NTNG1: variants seen among roughly 807,000 people sequenced by gnomAD.
NTNG1 encodes the protein netrin G1, also known as netrin-G1.
A neutral mutation model predicts 54.0 loss-of-function variants in NTNG1; 16 were observed. The observed-to-expected ratio is 0.30, with a 90% CI of 0.20 to 0.45. NTNG1 has a LOEUF of 0.45. NTNG1 is among the 20% of genes least tolerant of loss of function. NTNG1 has a pLI of 1.00. For missense variants in NTNG1, 530 were observed against 678.7 expected (o/e 0.78, Z 2.43); for synonymous variants, 255 against 263.1 (o/e 0.97, Z 0.30).
At position 107,361,391 on chromosome 1, in the gene NTNG1, A is replaced by ATATATATATATT. The variant is rs370815306; in HGVS notation, c.888-33762_888-33761insATATATATATTT. 8.0e-4 allele frequency among the ~76,000 whole-genome samples: 70 copies of ATATATATATATT among 87,970 alleles called. 1 individual carries two copies. The highest frequency in any genetic ancestry group is 9.8e-4 in the East Asian group (3 of 3,052). The allele number at this position is 87,970 out of a possible 152,430, so 57.7% of individuals were successfully genotyped here. A position where few individuals can be genotyped will look rare whatever the true frequency, so the allele number is the denominator to read the frequency against. ...TATATATACATATATATATATATAT[A>ATATATATATATT]TTTTTTTTTTTTTTTGAGACACAGT... On this transcript the variant is annotated intron_variant, in intron 3 of 7. Transcript: ENST00000370068.
At chr1:107,173,282 A>G (rs1656391808) in intron 2 of NTNG1, among the ~76,000 whole-genome samples, 1 of 151,966 alleles carries the variant, frequency 6.6e-6, no homozygotes, top group Admixed American at 6.6e-5. Flanking sequence ...TTTTTCCTTT[A>G]TGCTTTTTTA....
At position 107,482,454 on chromosome 1, in the gene NTNG1, T is replaced by TGC. The variant is rs2101624041; in HGVS notation, c.*1615_*1616dup. ...CTGCCTTTTATTAGGCCAATTACTGTGCAAGACAGCAAGGGGAGGCAGGTG... is the reference window on the plus strand; with the variant it reads ...CTGCCTTTTATTAGGCCAATTACTGTGCGCAAGACAGCAAGGGGAGGCAGGTG... On this transcript the variant is annotated 3_prime_UTR_variant, in exon 8 of 8. Coordinates refer to ENST00000370068, the MANE Select transcript of NTNG1 (RefSeq NM_001113226.3). The TGC allele has an allele frequency of 6.6e-6, 1 of 152,368 alleles. No homozygotes were observed. The highest frequency in any genetic ancestry group is 1.5e-5 in the Non-Finnish European group (1 of 68,050). 9.4% of individuals were successfully genotyped at this position (152,368 alleles called of 1,614,324 possible). A position where few individuals can be genotyped will look rare whatever the true frequency, so the allele number is the denominator to read the frequency against.
At chr1:107,294,909 A>G (rs1415473580) in intron 2 of NTNG1, among the ~76,000 whole-genome samples, 4 of 152,226 alleles carry the variant, frequency 2.6e-5, no homozygotes, top group Admixed American at 2.6e-4. Flanking sequence ...AGCTGACGCC[A>G]TGGGAGTCAG....
At chr1:107,365,472 T>A (rs10458536) in intron 3 of NTNG1, among the ~76,000 whole-genome samples, 1 of 151,878 alleles carries the variant, frequency 6.6e-6, no homozygotes, top group African/African-American at 2.4e-5. Context: ...TAAAGGATAA[T>A]AAAAAAAATT....
intron 1 of NTNG1, among the ~76,000 whole-genome samples, chr1:107,145,180 C>CAGAT (rs1487365346): frequency 1.3e-5 from 2 of 152,026 alleles, no homozygotes; most frequent in African/African-American, 4.8e-5. Flanking sequence ...GAAAGCACAG[C>CAGAT]AGATAGACAC....
intron 2 of NTNG1, among the ~76,000 whole-genome samples, chr1:107,225,373 A>C (rs1307084938): frequency 2.9e-5 from 4 of 138,918 alleles, no homozygotes; most frequent in Non-Finnish European, 6.0e-5. Context: ...GTGTGAATTC[A>C]AAAAAAAAAA....
At chr1:107,468,840 G>A (rs1334129728) in intron 7 of NTNG1, among the ~76,000 whole-genome samples, 1 of 117,752 alleles carries the variant, frequency 8.5e-6, no homozygotes, top group Non-Finnish European at 1.9e-5. Context: ...GCTCACGCCT[G>A]TAATCCCAGC....
chr1:107,449,751 C>A (rs1222187385), intron 7 of NTNG1, among the ~76,000 whole-genome samples: 1 of 150,116 alleles, frequency 6.7e-6, no homozygotes, highest in Admixed American at 6.6e-5. Context: ...AAAGTGGAAG[C>A]TTTTTCTATT....
intron 3 of NTNG1, among the ~76,000 whole-genome samples, chr1:107,345,414 T>C (rs1017719410): frequency 7.2e-5 from 11 of 152,328 alleles, no homozygotes; most frequent in Non-Finnish European, 1.6e-4. Flanking sequence ...TGGATTATGC[T>C]GGAAGGCAAT....
intron 2 of NTNG1, among the ~76,000 whole-genome samples, chr1:107,190,915 G>A (rs1238183893): frequency 6.6e-6 from 1 of 152,178 alleles, no homozygotes; most frequent in Non-Finnish European, 1.5e-5. Flanking sequence ...ATAGCAGCAT[G>A]ATTTATAATC....
chr1:107,145,774 C>G (rs1211097521), intron 1 of NTNG1, among the ~76,000 whole-genome samples: 2 of 152,088 alleles, frequency 1.3e-5, no homozygotes, highest in Non-Finnish European at 2.9e-5. Context: ...ATATCTTGCA[C>G]TCTTCTGCAT....
At chr1:107,231,299 G>A (rs908600650) in intron 2 of NTNG1, among the ~76,000 whole-genome samples, 5 of 152,234 alleles carry the variant, frequency 3.3e-5, no homozygotes, top group Middle Eastern at 3.4e-3. Context: ...GTACTGGATC[G>A]CTTCTCAGTA....
intron 2 of NTNG1, among the ~76,000 whole-genome samples, chr1:107,179,426 A>G (rs971710822): frequency 6.6e-5 from 10 of 151,930 alleles, no homozygotes; most frequent in Middle Eastern, 3.2e-3. Context: ...CACCTGTGTC[A>G]TTGTTTTGTC....
intron 2 of NTNG1, among the ~76,000 whole-genome samples, chr1:107,270,887 GAA>G (rs949789363): frequency 7.9e-5 from 12 of 151,934 alleles, no homozygotes; most frequent in Admixed American, 7.2e-4. Flanking sequence ...CTTATATTGT[GAA>G]AGCACTCTCT....
At chr1:107,426,865 T>C (rs1042175752) in intron 5 of NTNG1, among the ~76,000 whole-genome samples, 11 of 152,084 alleles carry the variant, frequency 7.2e-5, no homozygotes, top group Non-Finnish European at 1.5e-4. Context: ...CCTATCAGTG[T>C]TTTATAATTC....
intron 2 of NTNG1, among the ~76,000 whole-genome samples, chr1:107,189,028 AC>A (rs1403065962): frequency 3.3e-5 from 5 of 152,054 alleles, no homozygotes; most frequent in African/African-American, 1.2e-4. Context: ...GTGTTGGTGT[AC>A]AGTCAAATTT....
At position 107,290,963 on chromosome 1, in the gene NTNG1, T is replaced by TTTTATA. The variant is rs1553218724; in HGVS notation, c.247-33318_247-33317insTTATAT. ...ATATTTTAAAGTGCATATATATATA[T>TTTTATA]TATATATATATATATATATATACAC... On this transcript the variant is annotated intron_variant, in intron 2 of 7. Transcript: ENST00000370068. Among the ~76,000 whole-genome samples the TTTTATA allele has an allele frequency of 3.2e-4, 45 of 142,530 alleles. 1 individual carries two copies. The highest frequency in any genetic ancestry group is 2.8e-4 in the Admixed American group (4 of 14,162). The allele number at this position is 142,530 out of a possible 152,430, so 93.5% of individuals were successfully genotyped here.
At chr1:107,277,077 A>G (rs1360639418) in intron 2 of NTNG1, among the ~76,000 whole-genome samples, 1 of 139,544 alleles carries the variant, frequency 7.2e-6, no homozygotes, top group Admixed American at 6.8e-5. Flanking sequence ...AGATATGAAA[A>G]AGTGTTACAC....
chr1:107,409,304 G>A (rs1673646200), intron 5 of NTNG1: 2 of 152,160 alleles, frequency 1.3e-5, no homozygotes, highest in South Asian at 4.1e-4. Flanking sequence ...GATTATTGAG[G>A]CTGCTATAGT....
Sources: allele counts gnomAD v4.1 joint callset (sites outside exome capture counted in the v4.1 genomes callset), GRCh38; gene constraint gnomAD v4.1.1; transcripts MANE v1.5; gene names NCBI Gene and HGNC (gene_info 2026-07-23, HGNC 2026-07-21).